SH3RF3: variants seen among roughly 807,000 people sequenced by gnomAD.
The protein encoded by SH3RF3 is SH3 domain containing ring finger 3.
A neutral mutation model predicts 66.3 loss-of-function variants in SH3RF3; 29 were observed. That is an observed-to-expected ratio of 0.44 (90% confidence interval 0.33 to 0.60). The LOEUF (loss-of-function observed/expected upper bound fraction) is 0.60. Ranked by LOEUF, SH3RF3 falls within the 20% of genes least tolerant of loss-of-function variation. The pLI is 0.04. For missense variants in SH3RF3, 1,194 were observed against 1,190.9 expected, an observed-to-expected ratio of 1.00 and a Z score of -0.04; for synonymous variants, 583 against 532.0, an observed-to-expected ratio of 1.10 and a Z score of -1.32.
Position 109,480,892 on chromosome 2 carries a change from G to A in SH3RF3, c.2149-9713G>A, listed in dbSNP as rs182413913. Among the ~76,000 whole-genome samples the A allele has an allele frequency of 7.9e-5, 12 of 152,250 alleles. No homozygotes were observed. The East Asian group carries it at 2.1e-3, about 27-fold the overall frequency. ...CATCTGTGGATGGTTTGATTTGTGT[G>A]GTTTCTGTCTTAAAAGAATGTCTAG... On this transcript the variant is annotated intron_variant, in intron 8 of 9. Coordinates refer to ENST00000309415, the MANE Select transcript of SH3RF3 (RefSeq NM_001099289.3).
intron 5 of SH3RF3, among the ~76,000 whole-genome samples, chr2:109,421,183 C>A (rs1399975868): frequency 6.6e-6 from 1 of 152,208 alleles, no homozygotes; most frequent in Non-Finnish European, 1.5e-5. Flanking sequence ...GGAAAGAAAC[C>A]TGCACCCACA....
At chr2:109,412,642 G>C (rs2104492891) in intron 4 of SH3RF3, among the ~76,000 whole-genome samples, 1 of 152,340 alleles carries the variant, frequency 6.6e-6, no homozygotes, top group East Asian at 1.9e-4. Flanking sequence ...TGGCACATGG[G>C]GGATCGAGAA....
chr2:109,224,461 G>A (rs1054138355), intron 1 of SH3RF3, among the ~76,000 whole-genome samples: 2 of 152,240 alleles, frequency 1.3e-5, no homozygotes, highest in Non-Finnish European at 2.9e-5. Context: ...TAGCAGCAGT[G>A]ATGGAAATGT....
intron 1 of SH3RF3, among the ~76,000 whole-genome samples, chr2:109,342,433 C>T (rs753393617): frequency 3.9e-5 from 6 of 152,158 alleles, no homozygotes; most frequent in South Asian, 2.1e-4. Flanking sequence ...GCAAAACAGG[C>T]GAGAATCTGT....
intron 1 of SH3RF3, among the ~76,000 whole-genome samples, chr2:109,304,234 A>G (rs1681540736): frequency 6.6e-6 from 1 of 152,202 alleles, no homozygotes; most frequent in Non-Finnish European, 1.5e-5. Flanking sequence ...ATAGTCTTGG[A>G]CCAACACCTC....
At chr2:109,266,119 G>T (rs996581375) in intron 1 of SH3RF3, among the ~76,000 whole-genome samples, 5 of 151,146 alleles carry the variant, frequency 3.3e-5, no homozygotes, top group African/African-American at 1.2e-4. Context: ...GTGTGTATGT[G>T]TATTCAGTGT....
At chr2:109,435,563 G>T (rs1185517039) in intron 6 of SH3RF3, among the ~76,000 whole-genome samples, 1 of 152,208 alleles carries the variant, frequency 6.6e-6, no homozygotes, top group Non-Finnish European at 1.5e-5. Context: ...CCTGGTGTGG[G>T]AGCAGGTATG....
intron 1 of SH3RF3, among the ~76,000 whole-genome samples, chr2:109,136,786 G>C (rs1676824564): frequency 6.6e-6 from 1 of 152,206 alleles, no homozygotes; most frequent in Admixed American, 6.5e-5. Context: ...AATTAGGATT[G>C]ACCACAGGAA....
intron 2 of SH3RF3, among the ~76,000 whole-genome samples, chr2:109,350,347 C>A (rs1682813370): frequency 6.6e-6 from 1 of 152,198 alleles, no homozygotes; most frequent in South Asian, 2.1e-4. Flanking sequence ...GCTCCCACAG[C>A]AGACAAGGGG....
intron 4 of SH3RF3, among the ~76,000 whole-genome samples, chr2:109,403,836 C>T (rs1246115018): frequency 1.3e-5 from 2 of 152,212 alleles, no homozygotes; most frequent in Non-Finnish European, 2.9e-5. Flanking sequence ...CTGACCTCTT[C>T]CCAAAAACTC....
At chr2:109,249,532 T>TTTTTCTTTCTTTCCTTCCTTCC (rs1680019545) in intron 1 of SH3RF3, among the ~76,000 whole-genome samples, 6 of 96,450 alleles carry the variant, frequency 6.2e-5, no homozygotes, top group African/African-American at 9.2e-5. Flanking sequence ...TCTTTCTTTC[T>TTTTTCTTTCTTTCCTTCCTTCC]TTCCTTCCTT....
chr2:109,327,261 G>C (rs1682180330), intron 1 of SH3RF3, among the ~76,000 whole-genome samples: 2 of 152,184 alleles, frequency 1.3e-5, no homozygotes, highest in South Asian at 4.1e-4. Flanking sequence ...TTTCCATCTA[G>C]ATAACCTAAC....
At chr2:109,249,521 T>TTTCTTTCTTTCTTTCTTTCTTTC (rs1680017131) in intron 1 of SH3RF3, among the ~76,000 whole-genome samples, 1 of 93,660 alleles carries the variant, frequency 1.1e-5, no homozygotes, top group Non-Finnish European at 2.2e-5. Flanking sequence ...TTCTTTCTTT[T>TTTCTTTCTTTCTTTCTTTCTTTC]TCTTTCTTTC....
At chr2:109,147,474 C>T (rs1677126608) in intron 1 of SH3RF3, among the ~76,000 whole-genome samples, 1 of 152,174 alleles carries the variant, frequency 6.6e-6, no homozygotes, top group Non-Finnish European at 1.5e-5. Context: ...AATTTTCCAT[C>T]TACCACTTGG....
At chr2:109,323,286 C>G (rs951045728) in intron 1 of SH3RF3, among the ~76,000 whole-genome samples, 1 of 152,138 alleles carries the variant, frequency 6.6e-6, no homozygotes, top group African/African-American at 2.4e-5. Context: ...CTGACTGGCA[C>G]AGGGGCAAGT....
intron 1 of SH3RF3, among the ~76,000 whole-genome samples, chr2:109,260,377 T>G (rs1187881653): frequency 6.6e-6 from 1 of 152,174 alleles, no homozygotes; most frequent in Non-Finnish European, 1.5e-5. Flanking sequence ...GCATGTGCCC[T>G]TCCAGGAACC....
At chr2:109,137,455 T>C (rs942799301) in intron 1 of SH3RF3, among the ~76,000 whole-genome samples, 1 of 152,242 alleles carries the variant, frequency 6.6e-6, no homozygotes, top group Non-Finnish European at 1.5e-5. Context: ...AAGTGCCACA[T>C]GCTCAGGAGA....
intron 1 of SH3RF3, among the ~76,000 whole-genome samples, chr2:109,153,790 C>T (rs776284903): frequency 5.9e-5 from 9 of 152,226 alleles, no homozygotes; most frequent in East Asian, 1.9e-4. Flanking sequence ...CCCCGACCCC[C>T]GATGCCACCA....
At chr2:109,355,689 G>A (rs1682932549) in intron 2 of SH3RF3, among the ~76,000 whole-genome samples, 2 of 152,262 alleles carry the variant, frequency 1.3e-5, no homozygotes, top group African/African-American at 4.8e-5. Context: ...GCATCTGTTG[G>A]GAAACAGTGA....
Sources: gnomAD v4.1 joint callset for allele counts (sites outside exome capture counted in the v4.1 genomes callset) on GRCh38, gnomAD v4.1.1 for gene constraint, MANE v1.5 for transcripts, NCBI Gene and HGNC (gene_info 2026-07-23, HGNC 2026-07-21) for gene names.